TMEM132D: variants seen among roughly 807,000 people sequenced by gnomAD.
The protein encoded by TMEM132D is mature OL transmembrane protein.
A neutral mutation model predicts 62.3 loss-of-function variants in TMEM132D; 21 were observed. The observed-to-expected ratio is 0.34, with a 90% CI of 0.24 to 0.49. The LOEUF is 0.49. TMEM132D is among the 20% of genes least tolerant of loss of function. The pLI is 0.99. For synonymous variants in TMEM132D, 621 were observed against 575.6 expected (o/e 1.08, Z -1.13); for missense variants, 1,346 against 1,402.8 (o/e 0.96, Z 0.65).
At chr12:129,458,244 A>G (rs1243168590) in intron 3 of TMEM132D, among the ~76,000 whole-genome samples, 1 of 152,188 alleles carries the variant, frequency 6.6e-6, no homozygotes, top group Non-Finnish European at 1.5e-5. Flanking sequence ...TCTTGACTGC[A>G]ACAACAATAA....
At chr12:129,316,893 A>G (rs1389304409) in intron 4 of TMEM132D, among the ~76,000 whole-genome samples, 1 of 152,180 alleles carries the variant, frequency 6.6e-6, no homozygotes, top group Non-Finnish European at 1.5e-5. Context: ...TTTTACCATT[A>G]TATAATTTCC....
At chr12:129,656,445 A>G (rs914829896) in intron 2 of TMEM132D, among the ~76,000 whole-genome samples, 1 of 152,188 alleles carries the variant, frequency 6.6e-6, no homozygotes, top group Admixed American at 6.5e-5. Context: ...TGAAAGCTCC[A>G]TATCTACAGG....
chr12:129,682,151 G>C (rs191687402), intron 2 of TMEM132D, among the ~76,000 whole-genome samples: 1 of 152,240 alleles, frequency 6.6e-6, no homozygotes, highest in East Asian at 1.9e-4. Context: ...CAGCCCTCTT[G>C]GAAAACGAAT....
intron 3 of TMEM132D, among the ~76,000 whole-genome samples, chr12:129,477,040 T>A (rs1874283694): frequency 6.6e-6 from 1 of 152,218 alleles, no homozygotes; most frequent in South Asian, 2.1e-4. Context: ...TGGTTTACGA[T>A]CTCCTGGTTT....
intron 1 of TMEM132D, among the ~76,000 whole-genome samples, chr12:129,861,009 C>G (rs1027213358): frequency 6.6e-6 from 1 of 152,136 alleles, no homozygotes; most frequent in Non-Finnish European, 1.5e-5. Flanking sequence ...ACAGCCAAAC[C>G]ATATCAGTTT....
chr12:129,767,396 A>G (rs1211525488), intron 1 of TMEM132D, among the ~76,000 whole-genome samples: 1 of 152,124 alleles, frequency 6.6e-6, no homozygotes, highest in Non-Finnish European at 1.5e-5. Context: ...AGCTTTCCCT[A>G]CAGTATATTC....
At chr12:129,817,868 ATG>A (rs146582102) in intron 1 of TMEM132D, among the ~76,000 whole-genome samples, 1,630 of 112,984 alleles carry the variant, frequency 0.014, 13 homozygotes, top group South Asian at 0.028. Context: ...TGTGAGGTGT[ATG>A]TGTGTGTGTG....
intron 1 of TMEM132D, among the ~76,000 whole-genome samples, chr12:129,863,043 A>G (rs2137369965): frequency 6.6e-6 from 1 of 152,310 alleles, no homozygotes; most frequent in East Asian, 1.9e-4. Context: ...ATTCATTCAG[A>G]GAACCGAGGC....
chr12:129,753,040 C>A (rs1250134521), intron 1 of TMEM132D, among the ~76,000 whole-genome samples: 1 of 152,236 alleles, frequency 6.6e-6, no homozygotes, highest in African/African-American at 2.4e-5. Flanking sequence ...AGTACAGTTT[C>A]ATGCCCTTGT....
chr12:129,615,850 T>C (rs1223336727), intron 2 of TMEM132D, among the ~76,000 whole-genome samples: 1 of 151,842 alleles, frequency 6.6e-6, no homozygotes, highest in Non-Finnish European at 1.5e-5. Context: ...TAAAATAAGA[T>C]AGCTGTGAGA....
chr12:129,555,304 C>T (rs995316048), intron 2 of TMEM132D, among the ~76,000 whole-genome samples: 2 of 152,088 alleles, frequency 1.3e-5, no homozygotes, highest in African/African-American at 4.8e-5. Flanking sequence ...CGAGAATACC[C>T]CAATGAAAAA....
At chr12:129,517,139 G>A (rs1875705673) in intron 3 of TMEM132D, among the ~76,000 whole-genome samples, 1 of 152,096 alleles carries the variant, frequency 6.6e-6, no homozygotes, top group East Asian at 1.9e-4. Flanking sequence ...GGCATATTTG[G>A]GGTGAGGGTG....
chr12:129,663,066 C>T (rs1352590566), intron 2 of TMEM132D, among the ~76,000 whole-genome samples: 1 of 152,056 alleles, frequency 6.6e-6, no homozygotes, highest in Non-Finnish European at 1.5e-5. Context: ...AGTCTTTATA[C>T]CTAGTCAATA....
chr12:129,288,344 C>T (rs982279167), intron 4 of TMEM132D, among the ~76,000 whole-genome samples: 72 of 152,146 alleles, frequency 4.7e-4, no homozygotes, highest in Middle Eastern at 3.4e-3. Flanking sequence ...ATATCTGATA[C>T]GGGGTTAATT....
At chr12:129,873,988 C>T (rs1874334983) in intron 1 of TMEM132D, among the ~76,000 whole-genome samples, 1 of 152,196 alleles carries the variant, frequency 6.6e-6, no homozygotes, top group Admixed American at 6.5e-5. Context: ...ATCTACCACT[C>T]TTCCTCTCCC....
intron 3 of TMEM132D, among the ~76,000 whole-genome samples, chr12:129,524,538 C>G (rs1247640776): frequency 6.6e-6 from 1 of 152,092 alleles, no homozygotes; most frequent in Non-Finnish European, 1.5e-5. Flanking sequence ...TCTTGATGGG[C>G]ATTTAGGCTG....
At chr12:129,853,739 A>T (rs929736417) in intron 1 of TMEM132D, 8 of 152,144 alleles carry the variant, frequency 5.3e-5, no homozygotes, top group Non-Finnish European at 1.0e-4. Flanking sequence ...TCCCCTCTGA[A>T]TGCCAGTGCC....
chr12:129,077,270 A>AAG (rs1486923641), intron 8 of TMEM132D, among the ~76,000 whole-genome samples: 1 of 152,116 alleles, frequency 6.6e-6, no homozygotes, highest in Admixed American at 6.6e-5. Context: ...GAGTGCGCAG[A>AAG]AAAGGCTCCT....
rs189988403 is a variant in TMEM132D at position 129,606,298 on chromosome 12, C to T, written c.969-75093G>A. On this transcript the variant is annotated intron_variant, in intron 2 of 8. Coordinates refer to ENST00000422113, the MANE Select transcript of TMEM132D (RefSeq NM_133448.3). ...TGTTGATCGAGCCGGTCCACAGACTCCACAGTCTTCCTTGAGTAGGGCTTG... is the reference window on the plus strand; with the variant it reads ...TGTTGATCGAGCCGGTCCACAGACTTCACAGTCTTCCTTGAGTAGGGCTTG... 1.2e-4 allele frequency among the ~76,000 whole-genome samples: 19 copies of T among 152,262 alleles called. No homozygotes were observed. In the East Asian group the frequency reaches 3.3e-3, roughly 26 times the overall value.
Sources: gnomAD v4.1 joint callset for allele counts (sites outside exome capture counted in the v4.1 genomes callset) on GRCh38, gnomAD v4.1.1 for gene constraint, MANE v1.5 for transcripts, NCBI Gene and HGNC (gene_info 2026-07-23, HGNC 2026-07-21) for gene names.